The following TMEM232 variants were observed in gnomAD, a reference collection of about 807,000 sequenced individuals.
The protein encoded by TMEM232 is transmembrane protein 232.
Under a neutral mutation model 78.8 loss-of-function variants are expected in TMEM232, and 80 were observed. The ratio of observed to expected loss-of-function variants is 1.01; its 90% confidence interval spans 0.85 to 1.22. The LOEUF (loss-of-function observed/expected upper bound fraction) is 1.22. TMEM232 is among the 50% of genes most tolerant of loss of function. TMEM232 has a pLI of 0.00. For missense variants in TMEM232, 881 were observed against 742.2 expected (o/e 1.19, Z -2.17); for synonymous variants, 297 against 254.3 (o/e 1.17, Z -1.60).
At chr5:110,693,418 C>G (rs1369554938) in intron 1 of TMEM232, among the ~76,000 whole-genome samples, 1 of 152,192 alleles carries the variant, frequency 6.6e-6, no homozygotes, top group East Asian at 1.9e-4. Flanking sequence ...CAAAGGAATG[C>G]AGCTCCTCAC....
chr5:110,727,296 T>A (rs912057132), upstream of TMEM232, among the ~76,000 whole-genome samples: 2 of 152,122 alleles, frequency 1.3e-5, no homozygotes, highest in Non-Finnish European at 2.9e-5. Flanking sequence ...TATGGAAGAA[T>A]GGGGAAGGGC....
intron 10 of TMEM232, among the ~76,000 whole-genome samples, chr5:110,602,002 A>G (rs1043378178): frequency 6.6e-6 from 1 of 152,160 alleles, no homozygotes; most frequent in African/African-American, 2.4e-5. Context: ...CACACTTACA[A>G]TCATCTGATC....
At chr5:110,605,020 A>G (rs547127108) in intron 10 of TMEM232, 89 bp downstream of exon 10, 1 of 1,334,522 alleles carries the variant, frequency 7.5e-7, no homozygotes, top group African/African-American at 1.5e-5. Flanking sequence ...CTATTTCTAA[A>G]TATTAACTTT....
At chr5:110,612,433 T>G (rs968482489) in intron 8 of TMEM232, among the ~76,000 whole-genome samples, 1 of 152,092 alleles carries the variant, frequency 6.6e-6, no homozygotes, top group African/African-American at 2.4e-5. Context: ...AAAACCTACA[T>G]TGACATTTCA....
chr5:110,471,370 G>A (rs2149375588), intron 12 of TMEM232, among the ~76,000 whole-genome samples: 1 of 152,240 alleles, frequency 6.6e-6, no homozygotes, highest in East Asian at 1.9e-4. Flanking sequence ...CTTCCCAAGT[G>A]TTTGAAGAGA....
chr5:110,523,880 G>A (rs1769938934), intron 12 of TMEM232, among the ~76,000 whole-genome samples: 2 of 148,684 alleles, frequency 1.3e-5, no homozygotes, highest in Admixed American at 6.9e-5. Context: ...AATATTGCTT[G>A]AGCCCAAGAG....
At chr5:110,579,045 A>C (rs985440885) in intron 10 of TMEM232, among the ~76,000 whole-genome samples, 4 of 151,846 alleles carry the variant, frequency 2.6e-5, no homozygotes, top group Non-Finnish European at 2.9e-5. Flanking sequence ...ATTCACACTG[A>C]GACACATTAT....
chr5:110,701,809 T>C (rs1331535878), intron 1 of TMEM232, among the ~76,000 whole-genome samples: 1 of 152,048 alleles, frequency 6.6e-6, no homozygotes, highest in Non-Finnish European at 1.5e-5. Flanking sequence ...GATGATCCCT[T>C]GTTATGCTCC....
At chr5:110,681,042 A>G (rs1792685098) in intron 1 of TMEM232, among the ~76,000 whole-genome samples, 1 of 152,146 alleles carries the variant, frequency 6.6e-6, no homozygotes, top group South Asian at 2.1e-4. Flanking sequence ...ACACTCCAAC[A>G]CCAGGATTCT....
Position 110,528,439 on chromosome 5 carries a change from A to C in TMEM232, c.1703+149T>G, listed in dbSNP as rs1770930448. On this transcript the variant is annotated intron_variant, in intron 12 of 13. Coordinates refer to ENST00000455884, the MANE Select transcript of TMEM232 (RefSeq NM_001039763.4). ...TTCTGAGAAGGGAGGAACTAGCTCA[A>C]TGATAGATCATCTAAGAGGTGATCA... 5 of 561,916 alleles carry C rather than the reference A, an allele frequency of 8.9e-6. No individual in the cohort carries two copies. The South Asian group carries it at 2.5e-4, about 28-fold the overall frequency. 34.8% of individuals were successfully genotyped at this position (561,916 alleles called of 1,614,324 possible). A position where few individuals can be genotyped will look rare whatever the true frequency, so the allele number is the denominator to read the frequency against.
At chr5:110,684,989 T>C (rs1352473704) in intron 1 of TMEM232, 1 of 152,056 alleles carries the variant, frequency 6.6e-6, no homozygotes, top group Admixed American at 6.6e-5. Context: ...AATTGCAAAA[T>C]GTAGGTAATC....
intron 9 of TMEM232, 90 bp from the exon 10 acceptor site, chr5:110,605,448 C>A (rs2149828753): frequency 7.3e-7 from 1 of 1,372,632 alleles, no homozygotes; most frequent in East Asian, 2.5e-5. Context: ...GTTAAAAGAC[C>A]ATAATAAACT....
chr5:110,396,515 A>G (rs1389084102), intron 3 of TMEM232, among the ~76,000 whole-genome samples: 1 of 152,186 alleles, frequency 6.6e-6, no homozygotes, highest in African/African-American at 2.4e-5. Context: ...TAGAGATGTG[A>G]GGTATGTTTT....
At chr5:110,491,501 GAGA>G (rs1343017552) in intron 12 of TMEM232, among the ~76,000 whole-genome samples, 1 of 152,048 alleles carries the variant, frequency 6.6e-6, no homozygotes, top group Non-Finnish European at 1.5e-5. Flanking sequence ...ACTGGGGGAA[GAGA>G]AGAATTGGAG....
intron 12 of TMEM232, among the ~76,000 whole-genome samples, chr5:110,478,395 G>A (rs1361708372): frequency 6.6e-6 from 1 of 151,794 alleles, no homozygotes; most frequent in East Asian, 1.9e-4. Context: ...AAATACTAAG[G>A]ATTTGCCTAT....
At chr5:110,458,911 C>G (rs1761183183) in intron 12 of TMEM232, among the ~76,000 whole-genome samples, 1 of 152,092 alleles carries the variant, frequency 6.6e-6, no homozygotes, top group Non-Finnish European at 1.5e-5. Flanking sequence ...CACTTAATAT[C>G]CAACATTATA....
chr5:110,502,057 G>GT (rs1253269632), intron 12 of TMEM232, among the ~76,000 whole-genome samples: 1 of 151,846 alleles, frequency 6.6e-6, no homozygotes, highest in Non-Finnish European at 1.5e-5. Context: ...GTTTCTGTCT[G>GT]TTTTTGGTTT....
At chr5:110,551,431 G>A (rs1273488974) in intron 11 of TMEM232, among the ~76,000 whole-genome samples, 3 of 151,100 alleles carry the variant, frequency 2.0e-5, no homozygotes, top group Non-Finnish European at 4.4e-5. Flanking sequence ...CACCATCTTG[G>A]CCAGGATGGT....
At chr5:110,732,901 G>A (rs184445875) in intron 2 of TMEM232, among the ~76,000 whole-genome samples, 1 of 152,106 alleles carries the variant, frequency 6.6e-6, no homozygotes, top group South Asian at 2.1e-4. Flanking sequence ...CAGAATGAGA[G>A]AAAATATTTG....
Sources: gnomAD v4.1 joint callset for allele counts (sites outside exome capture counted in the v4.1 genomes callset) on GRCh38, gnomAD v4.1.1 for gene constraint, MANE v1.5 for transcripts, NCBI Gene and HGNC (gene_info 2026-07-23, HGNC 2026-07-21) for gene names.